Variants in CNTNAP2 observed in about 807,000 individuals in gnomAD.
The protein encoded by CNTNAP2 is contactin associated protein 2.
In CNTNAP2, 98 loss-of-function variants were observed where a neutral mutation model predicts 155.2. The ratio of observed to expected loss-of-function variants is 0.63; its 90% confidence interval spans 0.54 to 0.75. The LOEUF (loss-of-function observed/expected upper bound fraction) is 0.75, where lower values mean the gene tolerates loss of function less well. Ranked by LOEUF, CNTNAP2 falls within the 30% of genes least tolerant of loss-of-function variation. The probability of loss-of-function intolerance (pLI) is 0.00; values close to 1 mark genes in which losing one functional copy is unlikely to be tolerated. For synonymous variants in CNTNAP2, 651 were observed against 631.2 expected (o/e 1.03, Z -0.47); for missense variants, 1,727 against 1,688.1 (o/e 1.02, Z -0.40).
At chr7:148,166,344 T>C (rs1049594970) in intron 17 of CNTNAP2, among the ~76,000 whole-genome samples, 4 of 152,138 alleles carry the variant, frequency 2.6e-5, no homozygotes, top group Non-Finnish European at 5.9e-5. Context: ...GTGAAATAAA[T>C]ATTTTTTGAA....
At chr7:146,250,059 T>C (rs1799731875) in intron 1 of CNTNAP2, among the ~76,000 whole-genome samples, 1 of 152,150 alleles carries the variant, frequency 6.6e-6, no homozygotes, top group Admixed American at 6.5e-5. Context: ...CAGCTATTAA[T>C]CTGAAATTAA....
At chr7:146,806,225 C>T (rs1480210972) in intron 2 of CNTNAP2, among the ~76,000 whole-genome samples, 1 of 152,060 alleles carries the variant, frequency 6.6e-6, no homozygotes, top group African/African-American at 2.4e-5. Flanking sequence ...GTTACAGTGG[C>T]TCATGCCTGT....
At chr7:146,690,874 A>G (rs1328856426) in intron 1 of CNTNAP2, among the ~76,000 whole-genome samples, 1 of 152,178 alleles carries the variant, frequency 6.6e-6, no homozygotes, top group Admixed American at 6.6e-5. Context: ...TCATTTTGTC[A>G]GTCCTCTGGG....
intron 13 of CNTNAP2, among the ~76,000 whole-genome samples, chr7:147,746,234 C>A (rs1008113736): frequency 6.6e-6 from 1 of 152,214 alleles, no homozygotes; most frequent in Non-Finnish European, 1.5e-5. Flanking sequence ...GAAAAACTCT[C>A]TGATCCCCAA....
chr7:147,728,742 C>T (rs1410675357), intron 13 of CNTNAP2, among the ~76,000 whole-genome samples: 2 of 151,958 alleles, frequency 1.3e-5, no homozygotes, highest in African/African-American at 4.8e-5. Context: ...TGATTGGACT[C>T]ATTCACTTGG....
chr7:147,900,977 TC>T (rs1563128935), intron 13 of CNTNAP2, among the ~76,000 whole-genome samples: 1 of 152,112 alleles, frequency 6.6e-6, no homozygotes, highest in Non-Finnish European at 1.5e-5. Flanking sequence ...TCTTCAACAT[TC>T]CCTAGACTTT....
At chr7:147,336,674 A>G (rs1795669828) in intron 9 of CNTNAP2, among the ~76,000 whole-genome samples, 3 of 152,100 alleles carry the variant, frequency 2.0e-5, no homozygotes, top group Admixed American at 2.0e-4. Context: ...AGTGGCAGAG[A>G]TATGATTAGA....
chr7:147,528,642 CCT>C (rs1799372544), intron 11 of CNTNAP2, among the ~76,000 whole-genome samples: 1 of 152,104 alleles, frequency 6.6e-6, no homozygotes, highest in Admixed American at 6.6e-5. Flanking sequence ...AGACAAATGG[CCT>C]CTCTCTTCTG....
At chr7:146,747,009 G>A (rs1282461834) in intron 1 of CNTNAP2, among the ~76,000 whole-genome samples, 3 of 151,990 alleles carry the variant, frequency 2.0e-5, no homozygotes, top group South Asian at 4.1e-4. Flanking sequence ...CTCTTGATAC[G>A]GAGTCCCTGA....
chr7:146,768,681 T>TA (rs959743163), intron 1 of CNTNAP2, among the ~76,000 whole-genome samples: 1 of 152,036 alleles, frequency 6.6e-6, no homozygotes, highest in African/African-American at 2.4e-5. Flanking sequence ...TTTCCTAATA[T>TA]AAAAGTGAGG....
At chr7:147,015,983 C>T (rs865890169) in intron 3 of CNTNAP2, among the ~76,000 whole-genome samples, 13 of 152,134 alleles carry the variant, frequency 8.5e-5, no homozygotes, top group Middle Eastern at 3.4e-3. Flanking sequence ...TGAAGTATAT[C>T]GTGTGGCAAA....
chr7:148,247,659 A>ATT (rs1490738748), intron 20 of CNTNAP2, among the ~76,000 whole-genome samples: 1 of 123,126 alleles, frequency 8.1e-6, no homozygotes, highest in East Asian at 2.1e-4. Context: ...TTATTTATTT[A>ATT]TTTATTTTTT....
intron 1 of CNTNAP2, among the ~76,000 whole-genome samples, chr7:146,189,503 A>G (rs564717248): frequency 6.6e-6 from 1 of 152,324 alleles, no homozygotes; most frequent in East Asian, 1.9e-4. Flanking sequence ...AGCTAAAAGT[A>G]TTAGTAGTTT....
chr7:146,156,071 G>A lies in CNTNAP2; in HGVS notation c.97+39098G>A, dbSNP rs371347945. 8.2e-4 allele frequency among the ~76,000 whole-genome samples: 125 copies of A among 152,102 alleles called. 1 individual carries two copies. The highest frequency in any genetic ancestry group is 2.7e-3 in the African/African-American group (112 of 41,480). The stretch of plus-strand genomic sequence containing the variant: ...ATATCAGTCATCCTAGAACAGAGAC[G>A]CTATCAGCTCCTGGGGATAACTCTT... On this transcript the variant is annotated intron_variant, in intron 1 of 23. Transcript: ENST00000361727.
chr7:146,259,016 C>T (rs940451437), intron 1 of CNTNAP2, among the ~76,000 whole-genome samples: 11 of 152,012 alleles, frequency 7.2e-5, no homozygotes, highest in African/African-American at 2.4e-4. Flanking sequence ...GTGGTTTCCC[C>T]CATGCTGCTC....
chr7:147,864,179 T>C (rs1180689745), intron 13 of CNTNAP2, among the ~76,000 whole-genome samples: 5 of 152,190 alleles, frequency 3.3e-5, no homozygotes, highest in Admixed American at 1.3e-4. Flanking sequence ...ATTTATTAAA[T>C]AGGGAATCCT....
chr7:147,981,286 T>C (rs1585060131), intron 15 of CNTNAP2, among the ~76,000 whole-genome samples: 2 of 152,366 alleles, frequency 1.3e-5, no homozygotes, highest in East Asian at 3.9e-4. Context: ...TTAAAATGCC[T>C]TAAAATGTTT....
chr7:146,460,870 CATAAG>C (rs1248946623), intron 1 of CNTNAP2, among the ~76,000 whole-genome samples: 1 of 152,122 alleles, frequency 6.6e-6, no homozygotes, highest in Non-Finnish European at 1.5e-5. Context: ...ATTTCAGTTA[CATAAG>C]ATAAGTCAGT....
chr7:147,810,110 G>C (rs1563097369), intron 13 of CNTNAP2, among the ~76,000 whole-genome samples: 1 of 152,162 alleles, frequency 6.6e-6, no homozygotes, highest in Non-Finnish European at 1.5e-5. Flanking sequence ...TTGTATGGCA[G>C]ATGCCAAGTA....
Sources: allele counts gnomAD v4.1 joint callset (sites outside exome capture counted in the v4.1 genomes callset), GRCh38; gene constraint gnomAD v4.1.1; transcripts MANE v1.5; gene names NCBI Gene and HGNC (gene_info 2026-07-23, HGNC 2026-07-21).